RAPGEF1: variants seen among roughly 807,000 people sequenced by gnomAD.
RAPGEF1 encodes the protein CRK SH3-binding GNRP.
RAPGEF1 carries 33 observed loss-of-function variants against 143.3 expected under a neutral mutation model. That is an observed-to-expected ratio of 0.23 (90% CI 0.17 to 0.31). The LOEUF is 0.31. RAPGEF1 is among the 10% of genes least tolerant of loss of function. The pLI, the probability that RAPGEF1 is intolerant of heterozygous loss-of-function variation, is 1.00. For synonymous variants in RAPGEF1, 629 were observed against 676.5 expected (o/e 0.93, Z 1.09); for missense variants, 1,199 against 1,645.4 (o/e 0.73, Z 4.69).
intron 14 of RAPGEF1, among the ~76,000 whole-genome samples, chr9:131,602,664 C>T (rs181280665): frequency 1.2e-3 from 185 of 152,358 alleles, no homozygotes; most frequent in Admixed American, 1.7e-3. Context: ...GCCCTGCTGT[C>T]GTGAACCAAA....
chr9:131,647,372 A>G (rs1444229372), intron 3 of RAPGEF1, among the ~76,000 whole-genome samples: 2 of 152,194 alleles, frequency 1.3e-5, no homozygotes, highest in Non-Finnish European at 2.9e-5. Flanking sequence ...ATAAGACAGC[A>G]TGTCTGAAAC....
At chr9:131,616,579 T>C (rs1044889662) in intron 12 of RAPGEF1, among the ~76,000 whole-genome samples, 1 of 152,200 alleles carries the variant, frequency 6.6e-6, no homozygotes, top group Non-Finnish European at 1.5e-5. Context: ...ACAAATTCCC[T>C]TGGCAAGAGG....
At chr9:131,634,580 G>A (rs1377524995) in intron 5 of RAPGEF1, among the ~76,000 whole-genome samples, 2 of 151,710 alleles carry the variant, frequency 1.3e-5, no homozygotes, top group Non-Finnish European at 2.9e-5. Context: ...GGGCATGGTT[G>A]TACGCGCCTG....
chr9:131,589,089 C>A, intron 19 of RAPGEF1, 103 bp from the exon 20 acceptor site: 1 of 1,140,600 alleles, frequency 8.8e-7, no homozygotes, highest in Admixed American at 2.5e-5. Context: ...GTGACCGGCA[C>A]AGAGCTGGCT....
At chr9:131,627,199 G>C (rs1324942065) in intron 9 of RAPGEF1, among the ~76,000 whole-genome samples, 6 of 116,738 alleles carry the variant, frequency 5.1e-5, no homozygotes, top group African/African-American at 1.4e-4. Flanking sequence ...GGGTGACAGA[G>C]TGAGGCTCTG....
chr9:131,635,937 T>C (rs1327694294), intron 5 of RAPGEF1, among the ~76,000 whole-genome samples: 1 of 152,146 alleles, frequency 6.6e-6, no homozygotes, highest in Non-Finnish European at 1.5e-5. Context: ...TATTAGACAA[T>C]AACAACAAAT....
chr9:131,604,447 C>T (rs577405353), intron 13 of RAPGEF1, among the ~76,000 whole-genome samples: 1 of 152,340 alleles, frequency 6.6e-6, no homozygotes, highest in East Asian at 1.9e-4. Context: ...CTGAGTTGGA[C>T]GAAGCGCTAC....
At chr9:131,664,926 A>T (rs1183485722) in intron 1 of RAPGEF1, among the ~76,000 whole-genome samples, 1 of 152,252 alleles carries the variant, frequency 6.6e-6, no homozygotes, top group Non-Finnish European at 1.5e-5. Context: ...ACACAGAAAT[A>T]AGTAGTATAT....
intron 1 of RAPGEF1, among the ~76,000 whole-genome samples, chr9:131,705,913 G>A (rs960387512): frequency 2.0e-5 from 3 of 152,260 alleles, no homozygotes; most frequent in East Asian, 3.9e-4. Context: ...GGAAACACAC[G>A]TAAATGATCT....
At chr9:131,699,419 T>C (rs755819780) in intron 1 of RAPGEF1, among the ~76,000 whole-genome samples, 1 of 152,086 alleles carries the variant, frequency 6.6e-6, no homozygotes, top group Non-Finnish European at 1.5e-5. Context: ...TAATTTTGTA[T>C]TTTTACTAAA....
chr9:131,728,446 G>T (rs1836815136), intron 1 of RAPGEF1, among the ~76,000 whole-genome samples: 1 of 152,198 alleles, frequency 6.6e-6, no homozygotes, highest in Non-Finnish European at 1.5e-5. Context: ...GCCCTGCTGT[G>T]GCTCTGACAT....
chr9:131,724,307 TC>T (rs1335433029), intron 1 of RAPGEF1, among the ~76,000 whole-genome samples: 9 of 152,162 alleles, frequency 5.9e-5, no homozygotes, highest in Admixed American at 3.3e-4. Context: ...GGGAAAAAAG[TC>T]CACTCGGCCG....
rs146567831 is a variant in RAPGEF1 at position 131,736,550 on chromosome 9, G to T, written c.61+3220C>A. ...CAGCCAGGCACTGCTGCATGAGAAA[G>T]AAAATGTCCCAAAGAACAGCAATGA... On this transcript the variant is annotated intron_variant, in intron 1 of 26. Coordinates refer to ENST00000683357, the MANE Select transcript of RAPGEF1 (RefSeq NM_001377935.1). Among the ~76,000 whole-genome samples the T allele has an allele frequency of 2.9e-3, 440 of 152,332 alleles. 3 individuals are homozygous for T. The highest frequency in any genetic ancestry group is 0.01 in the African/African-American group (418 of 41,564).
chr9:131,668,281 CA>C (rs762048452), intron 1 of RAPGEF1, among the ~76,000 whole-genome samples: 6 of 152,160 alleles, frequency 3.9e-5, no homozygotes, highest in Non-Finnish European at 8.8e-5. Flanking sequence ...TCCCGGAGCC[CA>C]ATCAAGTGGT....
rs529679108 is a variant in RAPGEF1 at position 131,679,131 on chromosome 9, C to T, written c.62-28182G>A. The stretch of plus-strand genomic sequence containing the variant: ...GGCCCTAGGGTGCTGGAAACTCACA[C>T]GAGGAAATCCCAACTGCGAACTCAT... On this transcript the variant is annotated intron_variant, in intron 1 of 26. Transcript: ENST00000683357. 8.0e-5 allele frequency among the ~76,000 whole-genome samples: 12 copies of T among 149,760 alleles called. No individual in the cohort carries two copies. The South Asian group carries it at 1.5e-3, about 18-fold the overall frequency.
intron 12 of RAPGEF1, among the ~76,000 whole-genome samples, chr9:131,607,977 G>C (rs1588404523): frequency 6.6e-6 from 1 of 152,228 alleles, no homozygotes; most frequent in Admixed American, 6.5e-5. Context: ...GTGAGGGGCA[G>C]ACTCCCACAG....
intron 1 of RAPGEF1, among the ~76,000 whole-genome samples, chr9:131,660,816 C>T (rs1973861255): frequency 1.3e-5 from 2 of 152,216 alleles, no homozygotes; most frequent in Admixed American, 1.3e-4. Context: ...ATGCAGGAAA[C>T]CAGGCTTCAC....
intron 12 of RAPGEF1, among the ~76,000 whole-genome samples, chr9:131,610,113 C>T (rs1957804057): frequency 6.6e-6 from 1 of 152,160 alleles, no homozygotes; most frequent in African/African-American, 2.4e-5. Context: ...TCAGGCTGGT[C>T]TTGAACTCCT....
intron 1 of RAPGEF1, among the ~76,000 whole-genome samples, chr9:131,658,956 T>C (rs1017796033): frequency 6.6e-6 from 1 of 152,148 alleles, no homozygotes; most frequent in Non-Finnish European, 1.5e-5. Flanking sequence ...TCACCAGGGA[T>C]GGTGGGGAGT....
Sources: gnomAD v4.1 joint callset for allele counts (sites outside exome capture counted in the v4.1 genomes callset) on GRCh38, gnomAD v4.1.1 for gene constraint, MANE v1.5 for transcripts, NCBI Gene and HGNC (gene_info 2026-07-23, HGNC 2026-07-21) for gene names.